The following PRTG variants were observed in gnomAD, a reference collection of about 807,000 sequenced individuals.
PRTG encodes the protein protogenin.
A neutral mutation model predicts 122.5 loss-of-function variants in PRTG; 67 were observed. The ratio of observed to expected loss-of-function variants is 0.55; its 90% CI spans 0.45 to 0.67. The LOEUF (loss-of-function observed/expected upper bound fraction) is 0.67. Among genes scored for constraint, PRTG ranks in the 30% least tolerant of loss-of-function variants. PRTG has a pLI of 0.00. For synonymous variants in PRTG, 554 were observed against 501.1 expected (o/e 1.11, Z -1.41); for missense variants, 1,435 against 1,415.4 (o/e 1.01, Z -0.22).
At chr15:55,675,478 G>C (rs1461625596) in intron 9 of PRTG, 41 bp downstream of exon 9, 1 of 1,386,906 alleles carries the variant, frequency 7.2e-7, no homozygotes, top group Admixed American at 1.9e-5. Context: ...CAAAACATAC[G>C]AATGTTCATA....
intron 2 of PRTG, among the ~76,000 whole-genome samples, chr15:55,723,084 G>A (rs150293977): frequency 1.0e-3 from 155 of 152,116 alleles, no homozygotes; most frequent in Non-Finnish European, 1.6e-3. Context: ...TACCAATGTG[G>A]TGCAGCCAAC....
intron 11 of PRTG, among the ~76,000 whole-genome samples, chr15:55,652,515 C>A (rs1232524270): frequency 6.6e-6 from 1 of 152,106 alleles, no homozygotes; most frequent in Non-Finnish European, 1.5e-5. Flanking sequence ...GCACTGCCCC[C>A]AAGCCTGTCC....
At chr15:55,685,295 C>CT (rs2059564145) in intron 2 of PRTG, among the ~76,000 whole-genome samples, 1 of 152,116 alleles carries the variant, frequency 6.6e-6, no homozygotes, top group African/African-American at 2.4e-5. Flanking sequence ...GATCACAGGC[C>CT]TTTACAAGCA....
rs957210034 is a variant in PRTG at position 55,667,653 on chromosome 15, A to C, written c.2041+4792T>G. 2.0e-5 allele frequency among the ~76,000 whole-genome samples: 3 copies of C among 152,322 alleles called. No homozygotes were observed. In the South Asian group the frequency reaches 6.2e-4, roughly 32 times the overall value. ...AGAAAGTGAAATACGATAGTTTTTA[A>C]ATATTCTCTTTTGTTATAATTTGTA... is the stretch of plus-strand genomic sequence containing the variant. On this transcript the variant is annotated intron_variant, in intron 11 of 19. Transcript: ENST00000389286.
At chr15:55,664,139 G>A (rs2059424870) in intron 11 of PRTG, among the ~76,000 whole-genome samples, 1 of 151,794 alleles carries the variant, frequency 6.6e-6, no homozygotes, top group African/African-American at 2.4e-5. Context: ...CGGGGTGGGA[G>A]GTGTTTTTGT....
intron 2 of PRTG, among the ~76,000 whole-genome samples, chr15:55,709,405 TGAGA>T (rs2030292180): frequency 6.7e-6 from 1 of 148,424 alleles, no homozygotes; most frequent in Non-Finnish European, 1.5e-5. Flanking sequence ...AGAGAGCGCG[TGAGA>T]GAGTGTGTTC....
chr15:55,636,460 C>T (rs2059258245), intron 15 of PRTG, among the ~76,000 whole-genome samples: 1 of 151,988 alleles, frequency 6.6e-6, no homozygotes, highest in African/African-American at 2.4e-5. Flanking sequence ...TCTTCTCTCC[C>T]TTCTATCATC....
intron 2 of PRTG, among the ~76,000 whole-genome samples, chr15:55,717,259 T>C (rs759352598): frequency 6.6e-6 from 1 of 152,172 alleles, no homozygotes; most frequent in African/African-American, 2.4e-5. Context: ...CAGGGAACCA[T>C]GTTACAATGA....
intron 8 of PRTG, among the ~76,000 whole-genome samples, chr15:55,676,237 C>T (rs2059502170): frequency 6.6e-6 from 1 of 151,546 alleles, no homozygotes; most frequent in Non-Finnish European, 1.5e-5. Context: ...CTGGGAGTCA[C>T]AGAATGTGCC....
chr15:55,655,939 A>G (rs921694990), intron 11 of PRTG: 1 of 153,190 alleles, frequency 6.5e-6, no homozygotes, highest in African/African-American at 2.4e-5. Flanking sequence ...TTAGTTATAG[A>G]CATTTTAATG....
chr15:55,626,619 G>A (rs552126403), intron 17 of PRTG, among the ~76,000 whole-genome samples: 7 of 151,510 alleles, frequency 4.6e-5, no homozygotes, highest in East Asian at 1.9e-4. Context: ...TTAGCTGGGC[G>A]TGGTGGCGGG....
At chr15:55,661,488 G>C (rs1448721238) in intron 11 of PRTG, among the ~76,000 whole-genome samples, 2 of 152,124 alleles carry the variant, frequency 1.3e-5, no homozygotes, top group South Asian at 2.1e-4. Flanking sequence ...TGTGGAGTGA[G>C]GCTCCACAAG....
At chr15:55,713,032 A>G (rs995311111) in intron 2 of PRTG, among the ~76,000 whole-genome samples, 2 of 152,334 alleles carry the variant, frequency 1.3e-5, no homozygotes, top group South Asian at 4.1e-4. Flanking sequence ...ATTTTCAAAA[A>G]AGAATATAAA....
At chr15:55,631,176 C>T (rs2059225511) in intron 15 of PRTG, among the ~76,000 whole-genome samples, 1 of 152,006 alleles carries the variant, frequency 6.6e-6, no homozygotes, top group African/African-American at 2.4e-5. Context: ...AACAAAGTGA[C>T]CCCTATTTAG....
At chr15:55,672,318 G>C in intron 11 of PRTG, 127 bp downstream of exon 11, 1 of 768,356 alleles carries the variant, frequency 1.3e-6, no homozygotes, top group South Asian at 1.8e-5. Context: ...TATACACACT[G>C]ACATAGTAAA....
chr15:55,727,075 A>G (rs558224308), intron 2 of PRTG, among the ~76,000 whole-genome samples: 53 of 152,274 alleles, frequency 3.5e-4, no homozygotes, highest in African/African-American at 1.3e-3. Context: ...TCTCAAATCA[A>G]TAATCTAATT....
chr15:55,658,239 T>C (rs1007534382), intron 11 of PRTG, among the ~76,000 whole-genome samples: 6 of 152,234 alleles, frequency 3.9e-5, no homozygotes, highest in African/African-American at 1.4e-4. Context: ...CTCCAGCTTT[T>C]CCAATTATAA....
chr15:55,622,479 G>A (rs929928302), intron 18 of PRTG, among the ~76,000 whole-genome samples: 1 of 150,474 alleles, frequency 6.6e-6, no homozygotes, highest in Non-Finnish European at 1.5e-5. Context: ...TGCCTCCCGG[G>A]TTCACACCAT....
At chr15:55,624,674 T>G (rs2059185333) in intron 17 of PRTG, among the ~76,000 whole-genome samples, 167 bp from the exon 18 acceptor site, 2 of 152,230 alleles carry the variant, frequency 1.3e-5, no homozygotes, top group Non-Finnish European at 2.9e-5. Flanking sequence ...CTGCAAACTT[T>G]TATTATTTGA....
Sources: gnomAD v4.1 joint callset for allele counts (sites outside exome capture counted in the v4.1 genomes callset) on GRCh38, gnomAD v4.1.1 for gene constraint, MANE v1.5 for transcripts, NCBI Gene and HGNC (gene_info 2026-07-23, HGNC 2026-07-21) for gene names.